RNF40: variants seen among roughly 807,000 people sequenced by gnomAD.
RNF40 encodes the protein ring finger protein 40, also known as E3 ubiquitin-protein ligase BRE1B.
In RNF40, 39 loss-of-function variants were observed where a neutral mutation model predicts 123.3. The ratio of observed to expected loss-of-function variants is 0.32; its 90% CI spans 0.24 to 0.41. The LOEUF is 0.41. Ranked by LOEUF, RNF40 falls within the 10% of genes least tolerant of loss-of-function variation. The pLI is 1.00. For missense variants in RNF40, 1,003 were observed against 1,319.9 expected, an observed-to-expected ratio of 0.76 and a Z score of 3.72; for synonymous variants, 538 against 526.0, an observed-to-expected ratio of 1.02 and a Z score of -0.31.
At chr16:30,765,938 C>T (rs897925514) in intron 8 of RNF40, among the ~76,000 whole-genome samples, 8 of 152,150 alleles carry the variant, frequency 5.3e-5, no homozygotes, top group African/African-American at 1.7e-4. Flanking sequence ...GAATGCCTTC[C>T]GTGACTCCCC....
At position 30,762,648 on chromosome 16, in the gene RNF40, C is replaced by T. The variant is rs2053881807; in HGVS notation, c.103C>T (p.Pro35Ser). Residue 35 changes from proline to serine, a missense_variant, in exon 2 of 20, where the codon CCC (proline) becomes TCC (serine). Pro to Ser is a moderately conservative substitution (Grantham distance 74). Coordinates refer to ENST00000324685, the MANE Select transcript of RNF40 (RefSeq NM_014771.4). ...EEKTTTTLIE[P>S]IRLGGISSTE... The stretch of plus-strand genomic sequence containing the variant: ...GAAGACCACCACGACTCTTATCGAG[C>T]CCATTCGTCTTGGAGGCATCTCTTC... 6.2e-7 allele frequency: 1 copy of T among 1,613,132 alleles called. No individual in the cohort carries two copies. Among genetic ancestry groups the T allele is most frequent in the African/African-American group, 1.3e-5 (1 of 74,876 alleles).
At chr16:30,770,938 C>T (rs2054137320) in intron 17 of RNF40, among the ~76,000 whole-genome samples, 2 of 152,254 alleles carry the variant, frequency 1.3e-5, no homozygotes, top group South Asian at 4.2e-4. Context: ...TCTCAAACTC[C>T]TGACATCGTG....
At chr16:30,763,663 C>T in intron 4 of RNF40, 104 bp downstream of exon 4, 3 of 1,202,234 alleles carry the variant, frequency 2.5e-6, no homozygotes, top group Middle Eastern at 2.3e-4. Context: ...CTTACTACTT[C>T]TCACGAAATG....
Position 30,763,285 on chromosome 16 carries a change from G to A in RNF40, c.300G>A (p.Gln100=). 1 of 1,613,996 alleles carries A rather than the reference G, an allele frequency of 6.2e-7. No individual in the cohort carries two copies. The highest frequency in any genetic ancestry group is 8.5e-7 in the Non-Finnish European group (1 of 1,179,862). ...TLLIVNRYWA[Q]LDETVEALLR... ...TCATCGTCAATCGCTACTGGGCCCA[G>A]GTGGATACCTTCTGCTTTCAAAGAC... Residue 100 remains glutamine, a splice_region_variant and synonymous_variant, in exon 3 of 20, where the codon CAG becomes CAA. Transcript: ENST00000324685.
Position 30,768,623 on chromosome 16 carries a change from G to A in RNF40, c.1984G>A (p.Ala662Thr), listed in dbSNP as rs2054084963. 1.9e-6 allele frequency: 3 copies of A among 1,614,070 alleles called. No individual in the cohort carries two copies. Among genetic ancestry groups the A allele is most frequent in the African/African-American group, 1.3e-5 (1 of 74,940 alleles). ...LKGLRAELKK[A>T]QESQKEMKLL... ...CCTCCTGTACCTTCTTGCCAGGAAG[G>A]CCCAGGAGAGCCAGAAGGAGATGAA... Residue 662 changes from alanine to threonine, a missense_variant, in exon 14 of 20, where the codon GCC (alanine) becomes ACC (threonine). Ala to Thr is a moderately conservative substitution (Grantham distance 58, BLOSUM62 0). Transcript: ENST00000324685. The surrounding 1 kb of genome is among the most constrained non-coding windows in gnomAD (Gnocchi z 4.1).
chr16:30,775,303 G>A lies in RNF40; in HGVS notation c.*1189G>A, dbSNP rs2054214125. The A allele has an allele frequency of 6.6e-6, 2 of 302,278 alleles. No homozygotes were observed. Among genetic ancestry groups the A allele is most frequent in the African/African-American group, 2.2e-5 (1 of 45,218 alleles). 18.7% of individuals were successfully genotyped at this position (302,278 alleles called of 1,614,324 possible). Reference sequence around the variant, plus strand: ...CTGGGAGGGCTCAGACTTAACGGCCGGCAGGGATCCCGGACTGGGCCTGAA... The same window carrying A: ...CTGGGAGGGCTCAGACTTAACGGCCAGCAGGGATCCCGGACTGGGCCTGAA... On this transcript the variant is annotated 3_prime_UTR_variant, in exon 20 of 20. Transcript: ENST00000324685.
chr16:30,772,310 A>G, intron 19 of RNF40, 120 bp downstream of exon 19: 1 of 797,198 alleles, frequency 1.3e-6, no homozygotes, highest in Non-Finnish European at 2.2e-6. Flanking sequence ...AGTGGGCAGC[A>G]CAGTGGTCAC....
rs1567283344 is a variant in RNF40 at position 30,765,417 on chromosome 16, C to T, written c.919-8C>T. On this transcript the variant is annotated splice_region_variant and splice_polypyrimidine_tract_variant and intron_variant, in intron 7 of 19. Transcript: ENST00000324685. Reference sequence around the variant, plus strand: ...TACATCCATTGCCTGTCTGTTTTCTCTCCACAGCTTAACTCTGGCTACTAT... The same window carrying T: ...TACATCCATTGCCTGTCTGTTTTCTTTCCACAGCTTAACTCTGGCTACTAT... The T allele has an allele frequency of 6.2e-7, 1 of 1,614,232 alleles. No individual in the cohort carries two copies. Among genetic ancestry groups the T allele is most frequent in the Non-Finnish European group, 8.5e-7 (1 of 1,180,020 alleles).
At chr16:30,763,906 A>AT (rs2053967631) in intron 4 of RNF40, among the ~76,000 whole-genome samples, 1 of 152,148 alleles carries the variant, frequency 6.6e-6, no homozygotes, top group Non-Finnish European at 1.5e-5. Context: ...AAACGGAATG[A>AT]TTGTGTGTGC....
intron 4 of RNF40, among the ~76,000 whole-genome samples, chr16:30,763,858 A>G (rs889284732): frequency 6.6e-6 from 1 of 152,212 alleles, no homozygotes; most frequent in African/African-American, 2.4e-5. Context: ...AAGGGAGGAA[A>G]TTATAAACAT....
At chr16:30,762,034 G>A, upstream of RNF40, 1 of 487,522 alleles carries the variant, frequency 2.1e-6, no homozygotes. Context: ...GTGCCCACCT[G>A]GGCGCCCTCT....
chr16:30,767,696 T>C (rs971493617), intron 11 of RNF40, 198 bp from the exon 12 acceptor site: 6 of 582,544 alleles, frequency 1.0e-5, no homozygotes, highest in Non-Finnish European at 1.8e-5. Context: ...ATCGTATGAA[T>C]AGGCAGTGTC....
upstream of RNF40, chr16:30,761,792 C>T: frequency 1.3e-6 from 2 of 1,483,610 alleles, no homozygotes; most frequent in Non-Finnish European, 1.8e-6. Context: ...GCTCCCGCCG[C>T]CTAGGTTCCA....
intron 17 of RNF40, 57 bp from the exon 18 acceptor site, chr16:30,771,776 A>T (rs1212960276): frequency 6.6e-6 from 10 of 1,506,306 alleles, no homozygotes; most frequent in Admixed American, 6.6e-5. Context: ...CCGTGACTCC[A>T]CATGCCTGAG....
At position 30,768,678 on chromosome 16, in the gene RNF40, C is replaced by T. The variant is rs774861538; in HGVS notation, c.2039C>T (p.Pro680Leu). ...KLLLDMYKSA[P>L]KEQRDKVQLM... ...CTGCTGGATATGTACAAGTCAGCGC[C>T]CAAGGAGCAGCGGGATAAGGTGCAG... The change falls in exon 14 of 20, where the codon CCC becomes CTC. Residue 680 changes from proline (P) to leucine (L), a missense_variant. Physicochemically the swap from Pro to Leu is moderately conservative, Grantham distance 98. Around this residue, in one of 11 missense-constraint regions of RNF40, gnomAD observed 295 missense variants for 331.7 expected, o/e 0.89. Coordinates refer to ENST00000324685, the MANE Select transcript of RNF40 (RefSeq NM_014771.4). The surrounding 1 kb of genome is among the most constrained non-coding windows in gnomAD (Gnocchi z 4.1). The T allele has an allele frequency of 6.2e-7, 1 of 1,614,162 alleles. No individual in the cohort carries two copies. Among genetic ancestry groups the T allele is most frequent in the South Asian group, 1.1e-5 (1 of 91,076 alleles).
At chr16:30,772,252 G>A (rs1364776958) in intron 19 of RNF40, 62 bp downstream of exon 19, 1 of 1,334,558 alleles carries the variant, frequency 7.5e-7, no homozygotes, top group South Asian at 1.3e-5. Context: ...GGATTGCTGA[G>A]ACTAGTGGAG....
Position 30,775,058 on chromosome 16 carries a change from C to G in RNF40, c.*944C>G. 1 of 456,416 alleles carries G rather than the reference C, an allele frequency of 2.2e-6. No individual in the cohort carries two copies. The highest frequency in any genetic ancestry group is 4.4e-6 in the Non-Finnish European group (1 of 226,724). 28.3% of individuals were successfully genotyped at this position (456,416 alleles called of 1,614,324 possible). On this transcript the variant is annotated 3_prime_UTR_variant, in exon 20 of 20. Coordinates refer to ENST00000324685, the MANE Select transcript of RNF40 (RefSeq NM_014771.4). ...TGCCTGCCCAGCCATGCTCCATCGG[C>G]TGTGAGGGCAGTGCCCGGAGAGGCC... is the stretch of plus-strand genomic sequence containing the variant.
rs754083154 is a variant in RNF40 at position 30,762,598 on chromosome 16, C to A, written c.53C>A (p.Pro18Gln). ...GCCGGCGACGGGGGCTCAGGGCCCC[C>A]GGAAAAGAAGCTGAGTCGTGAGGAG... ...RAAGDGGSGPPEKKLSREEKT... is the reference protein window; with the variant it reads ...RAAGDGGSGPQEKKLSREEKT... The change falls in exon 2 of 20, where the codon CCG becomes CAG. Residue 18 changes from proline (P) to glutamine (Q), a missense_variant. By Grantham distance (76) the Pro-to-Gln change is moderately conservative. Transcript: ENST00000324685. 1 of 1,608,396 alleles carries A rather than the reference C, an allele frequency of 6.2e-7. No individual in the cohort carries two copies. The highest frequency in any genetic ancestry group is 1.7e-5 in the Admixed American group (1 of 59,040).
chr16:30,766,650 AGG>A lies in RNF40; in HGVS notation c.1294-88_1294-87del. On this transcript the variant is annotated intron_variant, in intron 10 of 19. Coordinates refer to ENST00000324685, the MANE Select transcript of RNF40 (RefSeq NM_014771.4). The surrounding 1 kb of genome is among the most constrained non-coding windows in gnomAD (Gnocchi z 5.4). Reference sequence around the variant, plus strand: ...CCTTCCGAGGCCCTGTGTGCCAGCCAGGGGTCCCTGGGGAATAGATTCTTCCT... The same window carrying A: ...CCTTCCGAGGCCCTGTGTGCCAGCCAGGTCCCTGGGGAATAGATTCTTCCT... The A allele has an allele frequency of 1.3e-6, 2 of 1,588,958 alleles. No individual in the cohort carries two copies. The highest frequency in any genetic ancestry group is 1.7e-6 in the Non-Finnish European group (2 of 1,165,582).
Sources: gnomAD v4.1 joint callset for allele counts (sites outside exome capture counted in the v4.1 genomes callset) on GRCh38, gnomAD v4.1.1 for gene constraint, gnomAD v4.1.1 regional missense constraint, Gnocchi (gnomAD v3.1) non-coding constraint, MANE v1.5 for transcripts, NCBI Gene and HGNC (gene_info 2026-07-23, HGNC 2026-07-21) for gene names.